ANKFN1: variants seen among roughly 807,000 people sequenced by gnomAD.
ANKFN1 encodes the protein ankyrin repeat and fibronectin type III domain containing 1.
Under a neutral mutation model 108.7 loss-of-function variants are expected in ANKFN1, and 74 were observed. That is an observed-to-expected ratio of 0.68 (90% CI 0.56 to 0.83). The LOEUF is 0.83. ANKFN1 is among the 40% of genes least tolerant of loss of function. The probability of loss-of-function intolerance (pLI) is 0.00; values close to 1 mark genes in which losing one functional copy is unlikely to be tolerated. For missense variants in ANKFN1, 1,505 were observed against 1,382.3 expected (o/e 1.09, Z -1.41); for synonymous variants, 547 against 516.2 (o/e 1.06, Z -0.81).
At position 56,248,385 on chromosome 17, in the gene ANKFN1, T is replaced by C. The variant is rs542194627; in HGVS notation, c.53+20428T>C. ...CTGTTGTCTCATGTTCCCCCAAAGT[T>C]TGTTCTGCTTCTCATTCATTAGTAT... On this transcript the variant is annotated intron_variant, in intron 3 of 20. Coordinates refer to ENST00000682825, the MANE Select transcript of ANKFN1 (RefSeq NM_001370326.1). Among the ~76,000 whole-genome samples, 53 of 152,318 alleles carry C rather than the reference T, an allele frequency of 3.5e-4. 1 individual carries two copies. Among genetic ancestry groups the C allele is most frequent in the African/African-American group, 1.2e-3 (51 of 41,584 alleles).
intron 1 of ANKFN1, chr17:56,184,721 C>T (rs892301583): frequency 3.3e-5 from 5 of 152,184 alleles, no homozygotes; most frequent in Admixed American, 6.5e-5. Context: ...TATAAATCAT[C>T]ATTCTCGTGA....
intron 1 of ANKFN1, among the ~76,000 whole-genome samples, chr17:56,157,240 T>C (rs149840733): frequency 3.3e-5 from 5 of 152,256 alleles, no homozygotes; most frequent in African/African-American, 1.2e-4. Context: ...GAATCCCAAA[T>C]ACTTGCTCTT....
intron 4 of ANKFN1, among the ~76,000 whole-genome samples, chr17:56,073,093 C>T (rs980325980): frequency 2.6e-4 from 40 of 151,074 alleles, no homozygotes; most frequent in African/African-American, 9.0e-4. Context: ...CCCGGGTTCA[C>T]GCCATTCTCC....
chr17:56,353,793 C>G, intron 5 of ANKFN1, 43 bp from the exon 6 acceptor site: 2 of 1,578,366 alleles, frequency 1.3e-6, no homozygotes, highest in Non-Finnish European at 1.7e-6. Flanking sequence ...CAAAGACACA[C>G]TGGTTTAAGA....
chr17:56,069,410 A>T (rs1905095914), intron 4 of ANKFN1, among the ~76,000 whole-genome samples: 1 of 152,198 alleles, frequency 6.6e-6, no homozygotes, highest in Non-Finnish European at 1.5e-5. Flanking sequence ...AGTACATTTA[A>T]GGGAGAGGTT....
intron 4 of ANKFN1, among the ~76,000 whole-genome samples, chr17:56,071,861 T>A (rs1598088164): frequency 6.6e-6 from 1 of 152,170 alleles, no homozygotes. Context: ...ATAGGCAGGG[T>A]TTTGGAGTTT....
intron 1 of ANKFN1, among the ~76,000 whole-genome samples, chr17:56,163,742 T>C (rs1347973549): frequency 4.6e-5 from 7 of 152,228 alleles, no homozygotes. Flanking sequence ...CTCTACCTAA[T>C]AGTGTTTGAC....
At chr17:56,202,075 T>C (rs375877803) in intron 1 of ANKFN1, among the ~76,000 whole-genome samples, 4 of 152,280 alleles carry the variant, frequency 2.6e-5, no homozygotes, top group African/African-American at 9.6e-5. Context: ...AGTCCTTTAA[T>C]CTTTTCCAAC....
chr17:56,509,703 T>C (rs966434181), intron 20 of ANKFN1, among the ~76,000 whole-genome samples: 5 of 152,206 alleles, frequency 3.3e-5, no homozygotes, highest in South Asian at 4.1e-4. Flanking sequence ...CATCTTGCCC[T>C]GCCAATTAAG....
chr17:56,377,852 T>G (rs183129927), intron 8 of ANKFN1, among the ~76,000 whole-genome samples: 3 of 151,988 alleles, frequency 2.0e-5, no homozygotes, highest in Non-Finnish European at 4.4e-5. Flanking sequence ...CGAGTTTGTG[T>G]TTTTTTTCTT....
chr17:56,158,436 A>AGAAAT lies in ANKFN1; in HGVS notation c.-71+4921_-71+4925dup, dbSNP rs1326724278. 2.6e-5 allele frequency among the ~76,000 whole-genome samples: 4 copies of AGAAAT among 152,228 alleles called. No individual in the cohort carries two copies. The South Asian group carries it at 6.2e-4, about 24-fold the overall frequency. ...GCTTAGATGAGGTTACGGCCCTAGCAGAAATGAAATGAAATGAAACTGTAA... is the reference window on the plus strand; with the variant it reads ...GCTTAGATGAGGTTACGGCCCTAGCAGAAATGAAATGAAATGAAATGAAACTGTAA... On this transcript the variant is annotated intron_variant, in intron 1 of 20. Transcript: ENST00000682825.
At position 56,096,584 on chromosome 17, in the gene ANKFN1, C is replaced by T. The variant is rs187694127; in HGVS notation, c.288+50259C>T. ...AAAAAAGTTCAACATCACTAATCAT[C>T]AGAGAAATGCAAATCAAAACCACAA... On this transcript the variant is annotated intron_variant, in intron 4 of 12. Coordinates refer to the ANKFN1 transcript ENST00000635860. Among the ~76,000 whole-genome samples the T allele has an allele frequency of 2.4e-3, 364 of 152,244 alleles. 3 individuals carry two copies. The highest frequency in any genetic ancestry group is 3.5e-3 in the Non-Finnish European group (235 of 68,012).
chr17:56,467,823 A>T (rs1309801038), intron 15 of ANKFN1, among the ~76,000 whole-genome samples: 1 of 47,234 alleles, frequency 2.1e-5, no homozygotes, highest in Non-Finnish European at 3.7e-5. Context: ...AGAAAGAAAG[A>T]AAGAAAGAAA....
intron 8 of ANKFN1, among the ~76,000 whole-genome samples, chr17:56,387,771 T>A (rs936837842): frequency 6.6e-6 from 1 of 152,216 alleles, no homozygotes; most frequent in Non-Finnish European, 1.5e-5. Flanking sequence ...TGATTTCTAT[T>A]TCAGTTGTAG....
chr17:56,153,374 G>A, upstream of ANKFN1: 1 of 1,101,878 alleles, frequency 9.1e-7, no homozygotes, highest in South Asian at 1.3e-5. Context: ...CAAGCCGTGG[G>A]AGAGGCAGCC....
In ANKFN1 at chr17:56,174,452, G is replaced by A. The variant is rs1910945803; in HGVS notation, c.-71+20922G>A. ...TGATCTTTTTAGTGAATTGCTTGAG[G>A]GTTCTCTGGCTAGACCTGGTGCAAT... On this transcript the variant is annotated intron_variant, in intron 1 of 20. Coordinates refer to ENST00000682825, the MANE Select transcript of ANKFN1 (RefSeq NM_001370326.1). The A allele has an allele frequency of 9.2e-6, 9 of 975,912 alleles. No homozygotes were observed. The South Asian group carries it at 3.3e-4, about 36-fold the overall frequency. 60.5% of individuals were successfully genotyped at this position (975,912 alleles called of 1,614,324 possible).
intron 18 of ANKFN1, among the ~76,000 whole-genome samples, chr17:56,485,961 A>G (rs578056273): frequency 9.8e-5 from 15 of 152,332 alleles, no homozygotes; most frequent in African/African-American, 3.1e-4. Context: ...CATGGACTAC[A>G]ATTTAAGTAG....
intron 14 of ANKFN1, 74 bp downstream of exon 14, chr17:56,458,053 C>A: frequency 8.0e-7 from 1 of 1,256,698 alleles, no homozygotes; most frequent in Non-Finnish European, 1.1e-6. Context: ...ACCAGTCCTA[C>A]CTAGAAAGGA....
intron 4 of ANKFN1, among the ~76,000 whole-genome samples, chr17:56,335,064 T>C (rs1161707443): frequency 6.6e-6 from 1 of 152,190 alleles, no homozygotes; most frequent in Non-Finnish European, 1.5e-5. Flanking sequence ...CTGAGGTCTC[T>C]GTTCTGTTCC....
Sources: allele counts gnomAD v4.1 joint callset (sites outside exome capture counted in the v4.1 genomes callset), GRCh38; gene constraint gnomAD v4.1.1; transcripts MANE v1.5; gene names NCBI Gene and HGNC (gene_info 2026-07-23, HGNC 2026-07-21).